Variants in USH2A observed in about 807,000 individuals in gnomAD.
USH2A encodes usherin.
Under a neutral mutation model 538.9 loss-of-function variants are expected in USH2A, and 443 were observed. The ratio of observed to expected loss-of-function variants is 0.82; its 90% confidence interval spans 0.76 to 0.89. The LOEUF (loss-of-function observed/expected upper bound fraction) is 0.89, where lower values mean the gene tolerates loss of function less well. Among genes scored for constraint, USH2A ranks in the 40% least tolerant of loss-of-function variants. USH2A has a pLI of 0.00. For missense variants in USH2A, 6,633 were observed against 6,324.8 expected (o/e 1.05, Z -1.65); for synonymous variants, 2,413 against 2,273.5 (o/e 1.06, Z -1.75).
chr1:216,080,348 T>C (rs1299593421), intron 26 of USH2A, among the ~76,000 whole-genome samples: 1 of 151,930 alleles, frequency 6.6e-6, no homozygotes, highest in Non-Finnish European at 1.5e-5. Context: ...ACTAGTATTT[T>C]GGAAAATCAG....
At chr1:216,232,404 C>T (rs1015795963) in intron 13 of USH2A, among the ~76,000 whole-genome samples, 1 of 152,154 alleles carries the variant, frequency 6.6e-6, no homozygotes, top group South Asian at 2.1e-4. Flanking sequence ...CTACAAAAAA[C>T]TTGACCTCCT....
chr1:215,728,150 C>T lies in USH2A; in HGVS notation c.11946G>A (p.Leu3982=), dbSNP rs2820718. ...WAQATSAHSV[L]LNWTKPESPN... The stretch of plus-strand genomic sequence containing the variant: ...GAGATTCTGGCTTTGTCCAATTCAA[C>T]AGAACTGAATGAGCACTCGTGGCTT... Residue 3982 remains leucine, a synonymous_variant, in exon 61 of 72, where the codon CTG becomes CTA. Coordinates refer to ENST00000307340, the MANE Select transcript of USH2A (RefSeq NM_206933.4). 0.18 allele frequency: 283,028 copies of T among 1,613,994 alleles called. 26,025 individuals carry two copies. The highest frequency in any genetic ancestry group is 0.19 in the Middle Eastern group (1,133 of 6,062).
intron 21 of USH2A, among the ~76,000 whole-genome samples, chr1:216,165,110 C>T (rs2034140039): frequency 6.6e-6 from 1 of 152,156 alleles, no homozygotes; most frequent in East Asian, 1.9e-4. Flanking sequence ...ATTCAATCAG[C>T]ATGATGCTGT....
rs147507404 is a variant in USH2A, at chr1:215,760,418, T to C, written c.11048-575A>G. On this transcript the variant is annotated intron_variant, in intron 56 of 71. Transcript: ENST00000307340. ...TTTCTCTTCTTCTTTTTCTCTCTTC[T>C]CTTCTCTTCCAACACCGGCTTCCCA... Among the ~76,000 whole-genome samples, 13 of 152,190 alleles carry C rather than the reference T, an allele frequency of 8.5e-5. No homozygotes were observed. The South Asian group carries it at 1.9e-3, about 22-fold the overall frequency.
chr1:215,627,752 A>ACTC (rs1470597001), intron 71 of USH2A, among the ~76,000 whole-genome samples: 1 of 151,642 alleles, frequency 6.6e-6, no homozygotes, highest in Non-Finnish European at 1.5e-5. Context: ...TCTCTATCTA[A>ACTC]CTCTGGACCT....
chr1:216,376,977 A>C (rs988476610), intron 3 of USH2A, among the ~76,000 whole-genome samples: 1 of 152,180 alleles, frequency 6.6e-6, no homozygotes, highest in African/African-American at 2.4e-5. Flanking sequence ...TAATGTATTA[A>C]TTTTATATTC....
intron 6 of USH2A, 131 bp downstream of exon 6, chr1:216,325,174 A>C (rs2037704514): frequency 5.6e-6 from 6 of 1,071,114 alleles, no homozygotes; most frequent in Non-Finnish European, 8.2e-6. Flanking sequence ...CCCTGCCAAC[A>C]TGTTGATTTC....
intron 11 of USH2A, among the ~76,000 whole-genome samples, chr1:216,286,138 G>A (rs1335974661): frequency 3.9e-5 from 6 of 152,124 alleles, no homozygotes; most frequent in Admixed American, 1.3e-4. Flanking sequence ...GGCCAAGTGT[G>A]AGTTTGGCTG....
chr1:215,750,527 T>A (rs1199295178), intron 58 of USH2A, among the ~76,000 whole-genome samples: 1 of 152,154 alleles, frequency 6.6e-6, no homozygotes, highest in East Asian at 1.9e-4. Flanking sequence ...CAAATAAAAT[T>A]ATTCTATTGG....
chr1:216,010,573 T>C (rs992077203), intron 32 of USH2A, among the ~76,000 whole-genome samples: 1 of 151,698 alleles, frequency 6.6e-6, no homozygotes, highest in Non-Finnish European at 1.5e-5. Flanking sequence ...TCTTAATCAA[T>C]ACGGAGGCTA....
chr1:216,116,841 G>T (rs1200462073), intron 21 of USH2A, among the ~76,000 whole-genome samples: 1 of 151,698 alleles, frequency 6.6e-6, no homozygotes, highest in Admixed American at 6.6e-5. Flanking sequence ...GAAAAAAAAA[G>T]CTAACACAGA....
At chr1:216,003,198 G>T (rs1668306922) in intron 32 of USH2A, among the ~76,000 whole-genome samples, 2 of 152,012 alleles carry the variant, frequency 1.3e-5, no homozygotes, top group Admixed American at 1.3e-4. Context: ...GGGTTAGAAT[G>T]GCTAGTGAGC....
At chr1:215,970,464 T>A (rs1184971929) in intron 36 of USH2A, among the ~76,000 whole-genome samples, 161 bp downstream of exon 36, 1 of 152,156 alleles carries the variant, frequency 6.6e-6, no homozygotes, top group East Asian at 1.9e-4. Flanking sequence ...GAATATAAAA[T>A]CTTAGTAACT....
At chr1:215,688,056 T>C (rs549628281) in intron 61 of USH2A, among the ~76,000 whole-genome samples, 2 of 151,816 alleles carry the variant, frequency 1.3e-5, no homozygotes, top group East Asian at 3.9e-4. Context: ...TAATTAGTGT[T>C]TGGGCTTAGG....
chr1:215,905,108 C>G (rs1665603962), intron 38 of USH2A, among the ~76,000 whole-genome samples: 1 of 152,006 alleles, frequency 6.6e-6, no homozygotes, highest in Admixed American at 6.6e-5. Flanking sequence ...CCTTTGCTCC[C>G]TGCAGATTTA....
intron 58 of USH2A, among the ~76,000 whole-genome samples, chr1:215,751,739 G>C (rs1040930818): frequency 6.6e-6 from 1 of 152,070 alleles, no homozygotes; most frequent in African/African-American, 2.4e-5. Context: ...GCTGGTAAAA[G>C]GTGAGAGGGA....
At chr1:216,161,215 A>T (rs368792676) in intron 21 of USH2A, among the ~76,000 whole-genome samples, 90 of 152,232 alleles carry the variant, frequency 5.9e-4, no homozygotes, top group South Asian at 5.4e-3. Context: ...TATGTTCACC[A>T]CAGTGGTATT....
At chr1:216,074,364 G>A (rs778456134) in intron 27 of USH2A, among the ~76,000 whole-genome samples, 21 of 151,656 alleles carry the variant, frequency 1.4e-4, no homozygotes, top group South Asian at 4.2e-4. Flanking sequence ...ACAAAACACT[G>A]TAAAGTTTGA....
At chr1:215,734,200 AG>A (rs1660086420) in intron 60 of USH2A, among the ~76,000 whole-genome samples, 1 of 152,142 alleles carries the variant, frequency 6.6e-6, no homozygotes, top group Admixed American at 6.5e-5. Flanking sequence ...GTAGCTACCA[AG>A]GGTTTGGTGT....
Sources: allele counts gnomAD v4.1 joint callset (sites outside exome capture counted in the v4.1 genomes callset), GRCh38; gene constraint gnomAD v4.1.1; transcripts MANE v1.5; gene names NCBI Gene and HGNC (gene_info 2026-07-23, HGNC 2026-07-21).